The following NUP98 variants were observed in gnomAD, a reference collection of about 807,000 sequenced individuals.
NUP98 encodes the protein nucleoporin 98 and 96 precursor, also known as nuclear pore complex protein Nup98-Nup96.
Under a neutral mutation model 191.9 loss-of-function variants are expected in NUP98, and 26 were observed. That is an observed-to-expected ratio of 0.14 (90% CI 0.10 to 0.19). The LOEUF is 0.19. Among genes scored for constraint, NUP98 ranks in the 10% least tolerant of loss-of-function variants. The pLI, the probability that NUP98 is intolerant of heterozygous loss-of-function variation, is 1.00. For synonymous variants in NUP98, 808 were observed against 778.4 expected, an observed-to-expected ratio of 1.04 and a Z score of -0.63; for missense variants, 1,941 against 2,178.8, an observed-to-expected ratio of 0.89 and a Z score of 2.17.
Position 3,706,612 on chromosome 11 carries a change from C to T in NUP98, c.2758G>A (p.Val920Met). 1.2e-6 allele frequency: 2 copies of T among 1,613,878 alleles called. No homozygotes were observed. The highest frequency in any genetic ancestry group is 1.7e-6 in the Non-Finnish European group (2 of 1,180,002). The change falls in exon 21 of 33, where the codon GTG becomes ATG. Residue 920 changes from valine (V) to methionine (M), a missense_variant. Coordinates refer to ENST00000324932, the MANE Select transcript of NUP98 (RefSeq NM_016320.5). Reference protein sequence around the residue: ...APPPQSQSPEVEQLGRVVELD... With the variant: ...APPPQSQSPEMEQLGRVVELD... Reference sequence around the variant, plus strand: ...TCCACAACCCTCCCTAACTGCTCCACCTCTGGGCTCTGGCTCTGTAGACAG... The same window carrying T: ...TCCACAACCCTCCCTAACTGCTCCATCTCTGGGCTCTGGCTCTGTAGACAG...
chr11:3,701,771 C>T (rs1186153970), intron 23 of NUP98, among the ~76,000 whole-genome samples: 2 of 151,290 alleles, frequency 1.3e-5, no homozygotes, highest in Non-Finnish European at 2.9e-5. Flanking sequence ...CTGCAAGCTC[C>T]GCCTCCCGGG....
chr11:3,769,575 C>CAAAAA (rs34035817), intron 7 of NUP98, among the ~76,000 whole-genome samples: 1 of 61,680 alleles, frequency 1.6e-5, no homozygotes, highest in African/African-American at 5.7e-5. Flanking sequence ...GATTCTGTCT[C>CAAAAA]AAAAAAAAAA....
chr11:3,768,517 T>C (rs1303770735), intron 8 of NUP98, 64 bp downstream of exon 8: 2 of 1,388,094 alleles, frequency 1.4e-6, no homozygotes, highest in African/African-American at 1.4e-5. Context: ...TTGACATGAT[T>C]AGAATCCTCA....
In NUP98 at chr11:3,792,284, G is replaced by A. The variant is rs1042498622; in HGVS notation, c.-29+5116C>T. Among the ~76,000 whole-genome samples the A allele has an allele frequency of 3.4e-5, 5 of 146,384 alleles. 1 individual carries two copies. Among genetic ancestry groups the A allele is most frequent in the African/African-American group, 5.0e-5 (2 of 39,924 alleles). ...TTATCTGATGAGATGGGTGGAAACA[G>A]AAACAACTGTATAATTAAATTTGTC... On this transcript the variant is annotated intron_variant, in intron 1 of 32. Coordinates refer to ENST00000324932, the MANE Select transcript of NUP98 (RefSeq NM_016320.5).
At chr11:3,689,513 C>T (rs1170357310) in intron 28 of NUP98, among the ~76,000 whole-genome samples, 3 of 151,560 alleles carry the variant, frequency 2.0e-5, no homozygotes, top group Admixed American at 6.6e-5. Flanking sequence ...GGCAACTGAG[C>T]AAGAGAGTCT....
intron 30 of NUP98, among the ~76,000 whole-genome samples, chr11:3,682,299 T>C (rs1776366212): frequency 6.6e-6 from 1 of 152,246 alleles, no homozygotes; most frequent in South Asian, 2.1e-4. Flanking sequence ...TCAAGAACTT[T>C]CCTTTAACAC....
intron 1 of NUP98, among the ~76,000 whole-genome samples, chr11:3,787,798 C>G (rs1408506334): frequency 6.6e-6 from 1 of 152,076 alleles, no homozygotes; most frequent in Non-Finnish European, 1.5e-5. Flanking sequence ...TCGAGACCAT[C>G]CTGGCCAACA....
At chr11:3,716,972 C>T (rs1053610033) in intron 18 of NUP98, among the ~76,000 whole-genome samples, 1 of 152,028 alleles carries the variant, frequency 6.6e-6, no homozygotes, top group Non-Finnish European at 1.5e-5. Context: ...TAAATTTATG[C>T]TTCACTGTAG....
chr11:3,724,446 A>AT (rs2079534055), intron 15 of NUP98, among the ~76,000 whole-genome samples: 1 of 138,966 alleles, frequency 7.2e-6, no homozygotes, highest in African/African-American at 2.8e-5. Context: ...CAAAAAAAAA[A>AT]AATAAATAAA....
chr11:3,702,478 G>A lies in NUP98; in HGVS notation c.3497C>T (p.Pro1166Leu), dbSNP rs374825785. ...TGTGACTCACGGTTTAACAGCTACT[G>A]GATTGGGCAGGAATCCAAACTCCAT... ...DSMEFGFLPN[P>L]VAVKPLTESP... The change falls in exon 23 of 33, where the codon CCA becomes CTA. Residue 1166 changes from proline to leucine, a missense_variant. Around this residue, in one of 6 missense-constraint regions of NUP98, gnomAD observed 1,030 missense variants for 1,115.8 expected, o/e 0.92. Coordinates refer to ENST00000324932, the MANE Select transcript of NUP98 (RefSeq NM_016320.5). 2.7e-5 allele frequency: 43 copies of A among 1,613,598 alleles called. No homozygotes were observed. The African/African-American group carries it at 4.8e-4, about 18-fold the overall frequency.
rs2134281477 is a variant in NUP98 at position 3,731,404 on chromosome 11, C to T, written c.1717G>A (p.Ala573Thr). The part of the protein sequence containing the change: ...DDDEPSLANG[A>T]FMPKKSIKKL... ...AAATAAACTCACTTGGGCATGAATG[C>T]TCCATTGGCTAGGGATGGTTCATCG... The change falls in exon 14 of 33, where the codon GCA (alanine) becomes ACA (threonine). Residue 573 changes from alanine (A) to threonine (T), a missense_variant. Transcript: ENST00000324932. 1 of 1,575,770 alleles carries T rather than the reference C, an allele frequency of 6.3e-7. No homozygotes were observed.
intron 12 of NUP98, among the ~76,000 whole-genome samples, chr11:3,740,510 C>A (rs1197160787): frequency 2.7e-5 from 4 of 149,190 alleles, no homozygotes; most frequent in African/African-American, 9.9e-5. Context: ...GAGCAAGACT[C>A]TGTCTCAAAA....
At chr11:3,711,782 A>T in intron 20 of NUP98, 22 of 748,592 alleles carry the variant, frequency 2.9e-5, no homozygotes, top group South Asian at 1.3e-4. Flanking sequence ...CATTTATCAT[A>T]CCCTCCCCTC....
At chr11:3,707,517 G>A (rs565017476) in intron 20 of NUP98, among the ~76,000 whole-genome samples, 13 of 152,004 alleles carry the variant, frequency 8.6e-5, no homozygotes, top group African/African-American at 2.9e-4. Flanking sequence ...GGAGGCCGAG[G>A]TGGGCAGATC....
rs550270201 is a variant in NUP98, at chr11:3,675,411, C to T, written c.*748G>A. ...TCCAAACTCTGCAGGCAAATCCAGACAGAGTCTCAGCAAGACTGAAAACCA... is the reference window on the plus strand; with the variant it reads ...TCCAAACTCTGCAGGCAAATCCAGATAGAGTCTCAGCAAGACTGAAAACCA... On this transcript the variant is annotated 3_prime_UTR_variant, in exon 33 of 33. Transcript: ENST00000324932. The T allele has an allele frequency of 4.6e-6, 1 of 217,004 alleles. No homozygotes were observed. The highest frequency in any genetic ancestry group is 2.8e-5 in the African/African-American group (1 of 36,312). 13.4% of individuals were successfully genotyped at this position (217,004 alleles called of 1,614,324 possible).
chr11:3,776,500 T>C (rs964075016), intron 4 of NUP98, among the ~76,000 whole-genome samples: 3 of 151,490 alleles, frequency 2.0e-5, no homozygotes, highest in African/African-American at 7.3e-5. Flanking sequence ...TTTTTTTTTT[T>C]TGAGACGGAG....
chr11:3,678,950 T>C (rs2077902785), intron 31 of NUP98, among the ~76,000 whole-genome samples: 2 of 151,924 alleles, frequency 1.3e-5, no homozygotes, highest in South Asian at 2.1e-4. Flanking sequence ...GGTGAAACAC[T>C]ATCTCTACTA....
At chr11:3,698,988 A>G (rs2078596805) in intron 25 of NUP98, 94 bp downstream of exon 25, 24 of 1,432,934 alleles carry the variant, frequency 1.7e-5, no homozygotes, top group Middle Eastern at 2.6e-4. Flanking sequence ...ATAGGCTAGA[A>G]GCCAAAGGGA....
At position 3,699,359 on chromosome 11, in the gene NUP98, A is replaced by G; in HGVS notation, c.3743-11T>C. On this transcript the variant is annotated splice_polypyrimidine_tract_variant and intron_variant, in intron 24 of 32. Coordinates refer to ENST00000324932, the MANE Select transcript of NUP98 (RefSeq NM_016320.5). ...TCCAGTGCTTCACAACTAAGGCAGGAAGAGAAAAACAATGTTACGAGACAA... is the reference window on the plus strand; with the variant it reads ...TCCAGTGCTTCACAACTAAGGCAGGGAGAGAAAAACAATGTTACGAGACAA... 1 of 1,610,898 alleles carries G rather than the reference A, an allele frequency of 6.2e-7. No homozygotes were observed. The highest frequency in any genetic ancestry group is 8.5e-7 in the Non-Finnish European group (1 of 1,177,168).
Sources: gnomAD v4.1 joint callset for allele counts (sites outside exome capture counted in the v4.1 genomes callset) on GRCh38, gnomAD v4.1.1 for gene constraint, gnomAD v4.1.1 regional missense constraint, MANE v1.5 for transcripts, NCBI Gene and HGNC (gene_info 2026-07-23, HGNC 2026-07-21) for gene names.